IGSF11: variants seen among roughly 807,000 people sequenced by gnomAD.
IGSF11 encodes CXADR like 1.
Under a neutral mutation model 41.0 loss-of-function variants are expected in IGSF11, and 22 were observed. The ratio of observed to expected loss-of-function variants is 0.54; its 90% CI spans 0.38 to 0.77. The LOEUF (loss-of-function observed/expected upper bound fraction) is 0.77. Among genes scored for constraint, IGSF11 ranks in the 30% least tolerant of loss-of-function variants. IGSF11 has a pLI of 0.00. For missense variants in IGSF11, 444 were observed against 530.8 expected, an observed-to-expected ratio of 0.84 and a Z score of 1.61; for synonymous variants, 219 against 201.3, an observed-to-expected ratio of 1.09 and a Z score of -0.74.
chr3:119,142,730 AT>A (rs1284059069), intron 1 of IGSF11, among the ~76,000 whole-genome samples: 1 of 152,194 alleles, frequency 6.6e-6, no homozygotes, highest in African/African-American at 2.4e-5. Context: ...AAAAGAAATG[AT>A]TGTACACATT....
intron 1 of IGSF11, among the ~76,000 whole-genome samples, chr3:118,987,014 T>C (rs1576562496): frequency 1.3e-5 from 2 of 152,160 alleles, no homozygotes; most frequent in Non-Finnish European, 2.9e-5. Context: ...ATTAGATTCA[T>C]TTATCTAGAC....
chr3:118,912,711 A>C (rs78957755), intron 4 of IGSF11, among the ~76,000 whole-genome samples: 1,636 of 152,338 alleles, frequency 0.011, 32 homozygotes, highest in East Asian at 0.065. Context: ...CACAACAAAC[A>C]GGAGGATTAG....
intron 1 of IGSF11, among the ~76,000 whole-genome samples, chr3:119,096,931 G>GA (rs1467447033): frequency 6.6e-6 from 1 of 152,110 alleles, no homozygotes; most frequent in Non-Finnish European, 1.5e-5. Flanking sequence ...ATGTTTGTAA[G>GA]AAAAAATTTT....
chr3:119,143,901 A>T (rs1479495057), intron 1 of IGSF11, among the ~76,000 whole-genome samples: 1 of 152,096 alleles, frequency 6.6e-6, no homozygotes, highest in Non-Finnish European at 1.5e-5. Context: ...CGTCAATTAA[A>T]CAAGAAGACT....
rs200503517 is a variant in IGSF11 at position 119,002,086 on chromosome 3, C to T, written c.52+32445G>A. Among the ~76,000 whole-genome samples, 685 of 131,042 alleles carry T rather than the reference C, an allele frequency of 5.2e-3. 41 individuals carry two copies. In the East Asian group the frequency reaches 0.14, roughly 27 times the overall value. The allele number at this position is 131,042 out of a possible 152,430, so 86.0% of individuals were successfully genotyped here. On this transcript the variant is annotated intron_variant, in intron 1 of 6. Transcript: ENST00000393775. Reference sequence around the variant, plus strand: ...TGGTTGAACTAGTTTACAGTCCCACCAACAGTGTAAAAGTGTTCCTATTTC... The same window carrying T: ...TGGTTGAACTAGTTTACAGTCCCACTAACAGTGTAAAAGTGTTCCTATTTC...
chr3:119,044,027 C>T (rs575035561), intron 1 of IGSF11, among the ~76,000 whole-genome samples: 12 of 152,300 alleles, frequency 7.9e-5, no homozygotes, highest in Admixed American at 2.0e-4. Flanking sequence ...CAAAAGATCA[C>T]ATTAGCACTG....
At chr3:118,920,469 G>C (rs1228535796) in intron 4 of IGSF11, among the ~76,000 whole-genome samples, 1 of 151,932 alleles carries the variant, frequency 6.6e-6, no homozygotes, top group Non-Finnish European at 1.5e-5. Context: ...TCTAAATCCA[G>C]ATATATGTTG....
At chr3:118,962,738 T>C (rs1945425113) in intron 1 of IGSF11, among the ~76,000 whole-genome samples, 1 of 151,860 alleles carries the variant, frequency 6.6e-6, no homozygotes, top group African/African-American at 2.4e-5. Context: ...AAATAAAGGC[T>C]AGAATTCTGT....
intron 1 of IGSF11, among the ~76,000 whole-genome samples, chr3:119,054,955 G>T (rs573684809): frequency 3.3e-5 from 5 of 152,044 alleles, no homozygotes; most frequent in Non-Finnish European, 7.4e-5. Flanking sequence ...CACCTCACAC[G>T]GCCAGGTACT....
chr3:118,982,886 T>C (rs955428473), intron 1 of IGSF11, among the ~76,000 whole-genome samples: 3 of 152,224 alleles, frequency 2.0e-5, no homozygotes, highest in Non-Finnish European at 4.4e-5. Context: ...ATGTCCTATA[T>C]GCATTCAGAA....
intron 1 of IGSF11, among the ~76,000 whole-genome samples, chr3:119,075,765 TA>T (rs1306921499): frequency 6.6e-6 from 1 of 152,186 alleles, no homozygotes; most frequent in Non-Finnish European, 1.5e-5. Context: ...AAGCTTTTTA[TA>T]AAATTCAATT....
rs544225520 is a variant in IGSF11 at position 118,972,718 on chromosome 3, T to TC, written c.53-42444dup. On this transcript the variant is annotated intron_variant, in intron 1 of 6. Transcript: ENST00000393775. ...TAGCTTAAAGCTTGGGAGGTATAAT[T>TC]CAAGGATAAGTGAAACATTTTCAGA... Among the ~76,000 whole-genome samples, 12 of 152,322 alleles carry TC rather than the reference T, an allele frequency of 7.9e-5. No individual in the cohort carries two copies. In the South Asian group the frequency reaches 2.3e-3, roughly 29 times the overall value.
intron 1 of IGSF11, among the ~76,000 whole-genome samples, chr3:118,978,637 T>C (rs924573271): frequency 1.3e-5 from 2 of 152,310 alleles, no homozygotes; most frequent in African/African-American, 4.8e-5. Context: ...CTGACAACTG[T>C]ACCCTAAGCC....
chr3:119,057,852 G>A lies in IGSF11; in HGVS notation c.49+47292C>T, dbSNP rs551255242. On this transcript the variant is annotated intron_variant, in intron 1 of 6. Transcript: ENST00000354673. ...CAACTATCTGATCTTTGACAAACCTGACAAAAACAAGCAATGGGGAAAGGA... is the reference window on the plus strand; with the variant it reads ...CAACTATCTGATCTTTGACAAACCTAACAAAAACAAGCAATGGGGAAAGGA... 4.6e-5 allele frequency among the ~76,000 whole-genome samples: 7 copies of A among 152,274 alleles called. No individual in the cohort carries two copies. The East Asian group carries it at 9.6e-4, about 21-fold the overall frequency.
At chr3:119,105,348 G>A, upstream of IGSF11, 3 of 566,520 alleles carry the variant, frequency 5.3e-6, no homozygotes, top group East Asian at 3.0e-5. Context: ...ATATTAGGAT[G>A]GAAACCATTT....
intron 1 of IGSF11, among the ~76,000 whole-genome samples, chr3:119,024,862 T>C (rs781498797): frequency 2.0e-5 from 3 of 152,128 alleles, no homozygotes; most frequent in Admixed American, 6.6e-5. Flanking sequence ...AATACAGTGA[T>C]TGAGGTAAAA....
chr3:119,052,008 A>G lies in IGSF11; in HGVS notation c.49+53136T>C, dbSNP rs147653709. On this transcript the variant is annotated intron_variant, in intron 1 of 6. Transcript: ENST00000354673. The stretch of plus-strand genomic sequence containing the variant: ...ATAAGAGGAAAGTTCATAGCATTAA[A>G]TGCCTACATCAAAAACTCTGAAAGA... Among the ~76,000 whole-genome samples the G allele has an allele frequency of 1.6e-4, 25 of 152,310 alleles. No individual in the cohort carries two copies. In the East Asian group the frequency reaches 4.6e-3, roughly 28 times the overall value.
At chr3:119,085,652 A>G (rs983261996) in intron 1 of IGSF11, among the ~76,000 whole-genome samples, 1 of 152,268 alleles carries the variant, frequency 6.6e-6, no homozygotes, top group African/African-American at 2.4e-5. Context: ...ATCCAATAAA[A>G]ATGATTCAAG....
Position 118,930,240 on chromosome 3 carries a change from C to T in IGSF11, c.88G>A (p.Gly30Arg). 1 of 1,613,794 alleles carries T rather than the reference C, an allele frequency of 6.2e-7. No individual in the cohort carries two copies. The highest frequency in any genetic ancestry group is 8.5e-7 in the Non-Finnish European group (1 of 1,179,796). ...AASLEVSESP[G>R]SIQVARGQPA... ...TGACCCCGGGCCACCTGGATACTCC[C>T]AGGGCTCTCTGACACTTCCAGGGAT... Residue 30 changes from glycine to arginine, a missense_variant, in exon 2 of 7, where the codon GGG becomes AGG. Gly to Arg is a moderately radical substitution (Grantham distance 125). Transcript: ENST00000393775.
Sources: allele counts gnomAD v4.1 joint callset (sites outside exome capture counted in the v4.1 genomes callset), GRCh38; gene constraint gnomAD v4.1.1; transcripts MANE v1.5; gene names NCBI Gene and HGNC (gene_info 2026-07-23, HGNC 2026-07-21).